The following LRP1 variants were observed in gnomAD, a reference collection of about 807,000 sequenced individuals.
The protein encoded by LRP1 is LDL receptor related protein 1.
In LRP1, 51 loss-of-function variants were observed where a neutral mutation model predicts 541.5. That is an observed-to-expected ratio of 0.09 (90% CI 0.08 to 0.12). LRP1 has a LOEUF of 0.12. LRP1 is among the 10% of genes least tolerant of loss of function. The pLI is 1.00. For missense variants in LRP1, 3,878 were observed against 6,376.2 expected, an observed-to-expected ratio of 0.61 and a Z score of 13.34; for synonymous variants, 2,219 against 2,470.8, an observed-to-expected ratio of 0.90 and a Z score of 3.02.
intron 6 of LRP1, among the ~76,000 whole-genome samples, chr12:57,150,349 G>A (rs577667464): frequency 1.3e-4 from 20 of 152,012 alleles, no homozygotes; most frequent in Admixed American, 1.3e-3. Context: ...CCGCCACCAC[G>A]CCTGGCTAAT....
rs1434647847 is a variant in LRP1 at position 57,189,423 on chromosome 12, G to A, written c.7032-1382G>A. On this transcript the variant is annotated intron_variant, in intron 42 of 88. Coordinates refer to ENST00000243077, the MANE Select transcript of LRP1 (RefSeq NM_002332.3). This position sits in a 1 kb window ranked among gnomAD's most constrained non-coding sequence, Gnocchi z 4.4. ...CCGCCTCCCTCCCAACTTACATCCC[G>A]ATTCCAGAGCCACCGCAAACCCCTG... 1.3e-5 allele frequency among the ~76,000 whole-genome samples: 2 copies of A among 152,118 alleles called. No individual in the cohort carries two copies. Among genetic ancestry groups the A allele is most frequent in the South Asian group, 2.1e-4 (1 of 4,818 alleles).
chr12:57,141,558 T>G (rs1177440658), intron 3 of LRP1, 47 bp downstream of exon 3: 1 of 1,612,228 alleles, frequency 6.2e-7, no homozygotes, highest in East Asian at 2.2e-5. Context: ...TGCAGCATAT[T>G]ATCAGCCCAC....
chr12:57,207,868 T>C (rs1358486426), intron 76 of LRP1, among the ~76,000 whole-genome samples, 170 bp from the exon 77 acceptor site: 1 of 152,230 alleles, frequency 6.6e-6, no homozygotes, highest in Non-Finnish European at 1.5e-5. Context: ...ACCAGCCACG[T>C]GTGAGAGCTG....
At position 57,162,757 on chromosome 12, in the gene LRP1, C is replaced by T; in HGVS notation, c.2405-101C>T. 7.4e-7 allele frequency: 1 copy of T among 1,344,860 alleles called. No individual in the cohort carries two copies. The highest frequency in any genetic ancestry group is 1.4e-5 in the South Asian group (1 of 72,690). The allele number at this position is 1,344,860 out of a possible 1,614,324, so 83.3% of individuals were successfully genotyped here. ...GATCTTCTTCCTCTCCATATTTCCT[C>T]TTTCTGTCCCCACATCTTAATGTGT... On this transcript the variant is annotated intron_variant, in intron 14 of 88. Coordinates refer to ENST00000243077, the MANE Select transcript of LRP1 (RefSeq NM_002332.3). The surrounding 1 kb of genome is among the most constrained non-coding windows in gnomAD (Gnocchi z 5.2).
intron 77 of LRP1, 169 bp from the exon 78 acceptor site, chr12:57,208,542 C>T (rs2036837234): frequency 3.4e-6 from 2 of 595,012 alleles, no homozygotes; most frequent in Admixed American, 3.0e-5. Context: ...GGAAAAGCCC[C>T]TCAACCTGCT....
chr12:57,200,826 G>GTCCCCCCCCCCCCCCCCCCCC lies in LRP1; in HGVS notation c.10225+11_10225+12insTCCCCCCCCCCCCCCCCCCCC. 1 of 1,581,438 alleles carries GTCCCCCCCCCCCCCCCCCCCC rather than the reference G, an allele frequency of 6.3e-7. No individual in the cohort carries two copies. Among genetic ancestry groups the GTCCCCCCCCCCCCCCCCCCCC allele is most frequent in the Non-Finnish European group, 8.6e-7 (1 of 1,157,680 alleles). On this transcript the variant is annotated intron_variant, in intron 64 of 88. Coordinates refer to ENST00000243077, the MANE Select transcript of LRP1 (RefSeq NM_002332.3). ...ACGAGGCCAACTGTGGTAAGGCGCTGCCCGCCCACCCTCCCTCCTTCCCCA... is the reference window on the plus strand; with the variant it reads ...ACGAGGCCAACTGTGGTAAGGCGCTGTCCCCCCCCCCCCCCCCCCCCCCCGCCCACCCTCCCTCCTTCCCCA...
rs763783687 is a variant in LRP1 at position 57,197,410 on chromosome 12, G to A, written c.9162+26G>A. 26 of 1,609,466 alleles carry A rather than the reference G, an allele frequency of 1.6e-5. No homozygotes were observed. Among genetic ancestry groups the A allele is most frequent in the East Asian group, 2.2e-5 (1 of 44,814 alleles). ...GTACCAAACCCAGGCCCTCCTCCCC[G>A]CTGCCCATCTCCCAGACCCAGCACA... On this transcript the variant is annotated intron_variant, in intron 57 of 88. Coordinates refer to ENST00000243077, the MANE Select transcript of LRP1 (RefSeq NM_002332.3). The surrounding 1 kb of genome is among the most constrained non-coding windows in gnomAD (Gnocchi z 4.5).
At position 57,159,910 on chromosome 12, in the gene LRP1, C is replaced by T. The variant is rs202138736; in HGVS notation, c.1884C>T (p.Ser628=). The change falls in exon 12 of 89, where the codon AGC becomes AGT. Residue 628 remains serine, a synonymous_variant. Transcript: ENST00000243077. The part of the protein sequence containing the change: ...WTDDGPKKTI[S]VARLEKAAQT... ...ACGATGGGCCCAAAAAGACAATCAG[C>T]GTGGCCAGGCTGGAGAAAGCTGCTC... 79 of 1,613,992 alleles carry T rather than the reference C, an allele frequency of 4.9e-5. No individual in the cohort carries two copies. Among genetic ancestry groups the T allele is most frequent in the Admixed American group, 2.0e-4 (12 of 59,994 alleles).
Position 57,166,914 on chromosome 12 carries a change from C to T in LRP1, c.2798-16C>T, listed in dbSNP as rs770083301. 15 of 1,375,404 alleles carry T rather than the reference C, an allele frequency of 1.1e-5. No homozygotes were observed. Among genetic ancestry groups the T allele is most frequent in the Non-Finnish European group, 1.5e-5 (14 of 962,918 alleles). 85.2% of individuals were successfully genotyped at this position (1,375,404 alleles called of 1,614,324 possible). On this transcript the variant is annotated splice_polypyrimidine_tract_variant and intron_variant, in intron 17 of 88. Transcript: ENST00000243077. Reference sequence around the variant, plus strand: ...GGTCAGGACAATGAGTACTCACACCCATCCCTGCCCCCCAGCCCGCACCTG... The same window carrying T: ...GGTCAGGACAATGAGTACTCACACCTATCCCTGCCCCCCAGCCCGCACCTG...
In LRP1 at chr12:57,183,955, T is replaced by TG. The variant is rs753485033; in HGVS notation, c.5929+51dup. 8.7e-6 allele frequency: 14 copies of TG among 1,611,842 alleles called. No individual in the cohort carries two copies. The highest frequency in any genetic ancestry group is 1.2e-5 in the Non-Finnish European group (14 of 1,178,562). On this transcript the variant is annotated intron_variant, in intron 36 of 88. Transcript: ENST00000243077. The surrounding 1 kb of genome is among the most constrained non-coding windows in gnomAD (Gnocchi z 6.1). ...TGGGGCTTGGGGTGTGGCAGAGGAC[T>TG]GGGGGACGAAGTGAGAGGAGGAGTT...
In LRP1 at chr12:57,185,878, G is replaced by A. The variant is rs2036259795; in HGVS notation, c.6811G>A (p.Asp2271Asn). Residue 2271 changes from aspartate to asparagine, a missense_variant, in exon 41 of 89, where the codon GAT becomes AAT. Physicochemically the swap from Asp to Asn is conservative, Grantham distance 23. Coordinates refer to ENST00000243077, the MANE Select transcript of LRP1 (RefSeq NM_002332.3). This position sits in a 1 kb window ranked among gnomAD's most constrained non-coding sequence, Gnocchi z 4.9. The stretch of plus-strand genomic sequence containing the variant: ...TGGGAACATCCAACAGATCAACGAC[G>A]ATGGCTCCAGGAGGATCACCATTGT... ...HFGNIQQIND[D>N]GSRRITIVEN... 3 of 1,613,954 alleles carry A rather than the reference G, an allele frequency of 1.9e-6. No homozygotes were observed. Among genetic ancestry groups the A allele is most frequent in the Non-Finnish European group, 2.5e-6 (3 of 1,179,938 alleles).
chr12:57,199,409 G>T lies in LRP1; in HGVS notation c.9865+9G>T. 6.2e-7 allele frequency: 1 copy of T among 1,605,402 alleles called. No homozygotes were observed. On this transcript the variant is annotated intron_variant, in intron 61 of 88. Transcript: ENST00000243077. ...CCTGCGCCAGCCAGACGGTGAGCAGGCAAGGGGTGGGAGCAGGCGAACGGT... is the reference window on the plus strand; with the variant it reads ...CCTGCGCCAGCCAGACGGTGAGCAGTCAAGGGGTGGGAGCAGGCGAACGGT...
At position 57,201,732 on chromosome 12, in the gene LRP1, C is replaced by A; in HGVS notation, c.10469-48C>A. 4 of 1,604,092 alleles carry A rather than the reference C, an allele frequency of 2.5e-6. No individual in the cohort carries two copies. The South Asian group carries it at 4.4e-5, about 18-fold the overall frequency. On this transcript the variant is annotated intron_variant, in intron 66 of 88. Coordinates refer to ENST00000243077, the MANE Select transcript of LRP1 (RefSeq NM_002332.3). The surrounding 1 kb of genome is among the most constrained non-coding windows in gnomAD (Gnocchi z 6.4). ...CCTCACTCTCCCCACCCTCCCGGCACACTCCTGGAAGGAGTCTCATCCTCA... is the reference window on the plus strand; with the variant it reads ...CCTCACTCTCCCCACCCTCCCGGCAAACTCCTGGAAGGAGTCTCATCCTCA...
chr12:57,196,809 G>A lies in LRP1; in HGVS notation c.8893-173G>A, dbSNP rs572334648. Among the ~76,000 whole-genome samples the A allele has an allele frequency of 9.2e-5, 14 of 152,294 alleles. No homozygotes were observed. In the South Asian group the frequency reaches 2.5e-3, roughly 27 times the overall value. The stretch of plus-strand genomic sequence containing the variant: ...CACGCAGCTCTGTCAAATGACACTC[G>A]GGGGCACACAGAAGGAGGCCTGCAC... On this transcript the variant is annotated intron_variant, in intron 55 of 88. Transcript: ENST00000243077.
At chr12:57,181,367 C>T in intron 34 of LRP1, 76 bp downstream of exon 34, 1 of 1,506,118 alleles carries the variant, frequency 6.6e-7, no homozygotes, top group Admixed American at 2.0e-5. Flanking sequence ...GCCCCACCTT[C>T]CTCTTCTTAC....
At chr12:57,159,338 C>A (rs949398142) in intron 11 of LRP1, among the ~76,000 whole-genome samples, 1 of 152,188 alleles carries the variant, frequency 6.6e-6, no homozygotes, top group African/African-American at 2.4e-5. Context: ...TCAAAAGTAA[C>A]TCATCAGGAA....
chr12:57,200,293 T>C (rs1467500184), intron 62 of LRP1, 149 bp from the exon 63 acceptor site: 2 of 672,434 alleles, frequency 3.0e-6, no homozygotes, highest in Admixed American at 2.2e-5. Flanking sequence ...GCCCCATACC[T>C]GGCCTTTCCG....
chr12:57,172,296 A>T (rs966529441), intron 20 of LRP1, among the ~76,000 whole-genome samples: 7 of 151,816 alleles, frequency 4.6e-5, no homozygotes, highest in South Asian at 2.1e-4. Context: ...CAGCCTCCCA[A>T]GTAGCTGGGA....
chr12:57,156,170 A>C lies in LRP1; in HGVS notation c.1304A>C (p.Gln435Pro), dbSNP rs1157173603. 6.2e-7 allele frequency: 1 copy of C among 1,614,112 alleles called. No individual in the cohort carries two copies. The highest frequency in any genetic ancestry group is 8.5e-7 in the Non-Finnish European group (1 of 1,180,034). ...AACTCGGACAATGCCAATGCCCAGCAGAAGACGAGTGTGATCCGTGTGAAC... is the reference window on the plus strand; with the variant it reads ...AACTCGGACAATGCCAATGCCCAGCCGAAGACGAGTGTGATCCGTGTGAAC... ...ATNSDNANAQQKTSVIRVNRF... is the reference protein window; with the variant it reads ...ATNSDNANAQPKTSVIRVNRF... Residue 435 changes from glutamine to proline, a missense_variant, in exon 9 of 89, where the codon CAG (glutamine) becomes CCG (proline). By Grantham distance (76) the Gln-to-Pro change is moderately conservative. Coordinates refer to ENST00000243077, the MANE Select transcript of LRP1 (RefSeq NM_002332.3). The surrounding 1 kb of genome is among the most constrained non-coding windows in gnomAD (Gnocchi z 5.2).
Sources: allele counts gnomAD v4.1 joint callset (sites outside exome capture counted in the v4.1 genomes callset), GRCh38; gene constraint gnomAD v4.1.1; non-coding constraint Gnocchi (gnomAD v3.1); transcripts MANE v1.5; gene names NCBI Gene and HGNC (gene_info 2026-07-23, HGNC 2026-07-21).